LTBP1: variants seen among roughly 807,000 people sequenced by gnomAD.
LTBP1 encodes latent transforming growth factor beta binding protein 1, also known as latent-transforming growth factor beta-binding protein 1.
A neutral mutation model predicts 207.6 loss-of-function variants in LTBP1; 129 were observed. That is an observed-to-expected ratio of 0.62 (90% CI 0.54 to 0.72). LTBP1 has a LOEUF of 0.72. LTBP1 is among the 30% of genes least tolerant of loss of function. LTBP1 has a pLI of 0.00. For synonymous variants in LTBP1, 963 were observed against 833.7 expected (o/e 1.16, Z -2.67); for missense variants, 2,281 against 2,217.2 (o/e 1.03, Z -0.58).
At chr2:33,135,002 G>C (rs1408290212) in intron 5 of LTBP1, 42 bp downstream of exon 5, 2 of 1,532,058 alleles carry the variant, frequency 1.3e-6, no homozygotes, top group Admixed American at 2.0e-5. Flanking sequence ...ACTGAGTCGA[G>C]TTTTATGAGA....
chr2:33,285,418 C>G (rs1372557230), intron 19 of LTBP1, among the ~76,000 whole-genome samples: 1 of 149,752 alleles, frequency 6.7e-6, no homozygotes, highest in Non-Finnish European at 1.5e-5. Flanking sequence ...CTTCTTATGT[C>G]ATTGGAGCAT....
At chr2:33,155,323 C>T (rs2083886314) in intron 5 of LTBP1, among the ~76,000 whole-genome samples, 1 of 152,168 alleles carries the variant, frequency 6.6e-6, no homozygotes, top group Admixed American at 6.5e-5. Context: ...CTGCCTTGGC[C>T]TCCCAAAGTG....
At chr2:33,321,216 A>G (rs2149337901) in intron 24 of LTBP1, among the ~76,000 whole-genome samples, 1 of 152,302 alleles carries the variant, frequency 6.6e-6, no homozygotes, top group Non-Finnish European at 1.5e-5. Context: ...TCTGACTCCC[A>G]CAGTATACCC....
At chr2:33,140,283 G>A (rs1360376324) in intron 5 of LTBP1, among the ~76,000 whole-genome samples, 2 of 152,202 alleles carry the variant, frequency 1.3e-5, no homozygotes, top group African/African-American at 4.8e-5. Flanking sequence ...AACTGCTTAA[G>A]AGGGGCAAGC....
chr2:32,947,695 GC>G lies in LTBP1; in HGVS notation c.373del (p.His125ThrfsTer97). 6.6e-7 allele frequency: 1 copy of G among 1,514,472 alleles called. No individual in the cohort carries two copies. Among genetic ancestry groups the G allele is most frequent in the Non-Finnish European group, 8.8e-7 (1 of 1,131,392 alleles). The allele number at this position is 1,514,472 out of a possible 1,614,324, so 93.8% of individuals were successfully genotyped here. A position where few individuals can be genotyped will look rare whatever the true frequency, so the allele number is the denominator to read the frequency against. ...PGGQLHPNPG[G>X]HPAAAPFTKQ... is the part of the protein sequence containing the mutation. ...GGGCAGCTCCACCCCAATCCCGGCG[GC>G]CACCCGGCAGCCGCCCCGTTCACCA... On this transcript the variant is annotated frameshift_variant, in exon 1 of 34. Transcript: ENST00000404816. LOFTEE classifies it high-confidence loss of function.
chr2:33,379,877 A>T (rs145753113), intron 31 of LTBP1, among the ~76,000 whole-genome samples: 113 of 152,336 alleles, frequency 7.4e-4, no homozygotes, highest in African/African-American at 2.4e-3. Context: ...GAACCTTGAG[A>T]TCTGAACTTC....
intron 5 of LTBP1, among the ~76,000 whole-genome samples, chr2:33,176,895 C>G (rs75641248): frequency 6.6e-6 from 1 of 152,128 alleles, no homozygotes; most frequent in African/African-American, 2.4e-5. Context: ...ATCATAATTA[C>G]GAAGTTGATG....
chr2:33,033,671 C>T (rs1320738842), intron 3 of LTBP1, among the ~76,000 whole-genome samples: 1 of 150,436 alleles, frequency 6.6e-6, no homozygotes, highest in Non-Finnish European at 1.5e-5. Flanking sequence ...TGAAAGCTAA[C>T]TGGCTGCAGC....
In LTBP1 at chr2:33,365,381, T is replaced by A; in HGVS notation, c.4589T>A (p.Leu1530Gln). The change falls in exon 31 of 34, where the codon CTG (leucine) becomes CAG (glutamine). Residue 1530 changes from leucine to glutamine, a missense_variant. Physicochemically the swap from Leu to Gln is moderately radical, Grantham distance 113 (BLOSUM62 -2). This residue lies in a region of LTBP1 where 1,671 missense variants were observed against 1,634.8 expected (regional missense o/e 1.02). Transcript: ENST00000404816. ...DVYQDLCWEH[L>Q]SDEYVCSRPL... Reference sequence around the variant, plus strand: ...TACCAAGATTTGTGCTGGGAACATCTGAGTGATGAATACGTGTGTAGCCGG... The same window carrying A: ...TACCAAGATTTGTGCTGGGAACATCAGAGTGATGAATACGTGTGTAGCCGG... 1 of 1,614,180 alleles carries A rather than the reference T, an allele frequency of 6.2e-7. No homozygotes were observed. The highest frequency in any genetic ancestry group is 2.2e-5 in the East Asian group (1 of 44,888).
chr2:33,182,211 G>A (rs1190663261), intron 5 of LTBP1, among the ~76,000 whole-genome samples: 4 of 152,076 alleles, frequency 2.6e-5, no homozygotes, highest in Non-Finnish European at 5.9e-5. Flanking sequence ...CTGTATCCAC[G>A]TATGCTGGTA....
At chr2:33,312,142 G>A (rs897513410) in intron 23 of LTBP1, among the ~76,000 whole-genome samples, 20 of 152,272 alleles carry the variant, frequency 1.3e-4, no homozygotes, top group African/African-American at 4.8e-4. Flanking sequence ...GAAGTTAGTA[G>A]CCTACTTTTC....
At chr2:33,374,267 G>C (rs147156419) in intron 31 of LTBP1, among the ~76,000 whole-genome samples, 51 of 152,294 alleles carry the variant, frequency 3.3e-4, no homozygotes, top group African/African-American at 1.2e-3. Context: ...ACTGCCTTTG[G>C]TTTAGGCAAT....
chr2:33,205,198 C>A (rs545304977), intron 7 of LTBP1, among the ~76,000 whole-genome samples: 3 of 152,246 alleles, frequency 2.0e-5, no homozygotes, highest in African/African-American at 7.2e-5. Flanking sequence ...GTATCAGTTT[C>A]TCTGAAAAGC....
chr2:33,231,199 C>T (rs1176004270), intron 9 of LTBP1, among the ~76,000 whole-genome samples: 1 of 152,172 alleles, frequency 6.6e-6, no homozygotes, highest in East Asian at 1.9e-4. Flanking sequence ...TTAGCTGGCT[C>T]CCTATGAGCC....
At chr2:33,117,310 C>T (rs2080805601) in intron 4 of LTBP1, among the ~76,000 whole-genome samples, 1 of 152,218 alleles carries the variant, frequency 6.6e-6, no homozygotes, top group South Asian at 2.1e-4. Context: ...CGTTAGCCTT[C>T]AGGCTTCAGT....
Position 33,315,161 on chromosome 2 carries a change from C to T in LTBP1, c.3622C>T (p.His1208Tyr). The T allele has an allele frequency of 1.3e-6, 2 of 1,599,612 alleles. No homozygotes were observed. Among genetic ancestry groups the T allele is most frequent in the Non-Finnish European group, 1.7e-6 (2 of 1,176,730 alleles). Residue 1208 changes from histidine (H) to tyrosine (Y), a missense_variant, in exon 24 of 34, where the codon CAT (histidine) becomes TAT (tyrosine). Coordinates refer to ENST00000404816, the MANE Select transcript of LTBP1 (RefSeq NM_206943.4). ...KTCQDINECEHPGLCGPQGEC... is the reference protein window; with the variant it reads ...KTCQDINECEYPGLCGPQGEC... ...AATTACAGATATTAATGAATGTGAA[C>T]ATCCAGGGCTCTGTGGTCCGCAAGG...
intron 7 of LTBP1, among the ~76,000 whole-genome samples, chr2:33,194,695 C>T (rs2088335041): frequency 6.6e-6 from 1 of 152,218 alleles, no homozygotes; most frequent in South Asian, 2.1e-4. Context: ...CAAGGAGAAG[C>T]AGCAAGTACT....
intron 31 of LTBP1, among the ~76,000 whole-genome samples, chr2:33,368,385 A>T (rs144488203): frequency 6.6e-6 from 1 of 152,160 alleles, no homozygotes; most frequent in Non-Finnish European, 1.5e-5. Context: ...GGTTGATTCT[A>T]TCTCTTTGCT....
intron 26 of LTBP1, among the ~76,000 whole-genome samples, chr2:33,355,069 A>G (rs1398743607): frequency 6.6e-6 from 1 of 152,104 alleles, no homozygotes; most frequent in East Asian, 1.9e-4. Flanking sequence ...TGGTTTGTAC[A>G]TTTCCTTTTA....
Sources: allele counts gnomAD v4.1 joint callset (sites outside exome capture counted in the v4.1 genomes callset), GRCh38; gene constraint gnomAD v4.1.1; regional missense constraint gnomAD v4.1.1; transcripts MANE v1.5; gene names NCBI Gene and HGNC (gene_info 2026-07-23, HGNC 2026-07-21).